The following AP1M1 variants were observed in gnomAD, a reference collection of about 807,000 sequenced individuals.
AP1M1 encodes AP-1 complex subunit mu-1.
Under a neutral mutation model 57.1 loss-of-function variants are expected in AP1M1, and 18 were observed. The ratio of observed to expected loss-of-function variants is 0.32; its 90% confidence interval spans 0.22 to 0.47. The LOEUF (loss-of-function observed/expected upper bound fraction) is 0.47, where lower values mean the gene tolerates loss of function less well. Among genes scored for constraint, AP1M1 ranks in the 20% least tolerant of loss-of-function variants. The pLI is 1.00. For synonymous variants in AP1M1, 241 were observed against 237.9 expected (o/e 1.01, Z -0.12); for missense variants, 362 against 593.5 (o/e 0.61, Z 4.05).
intron 9 of AP1M1, among the ~76,000 whole-genome samples, chr19:16,230,885 A>C (rs2091592917): frequency 6.6e-6 from 1 of 152,210 alleles, no homozygotes; most frequent in Non-Finnish European, 1.5e-5. Context: ...CCTAAAAACC[A>C]AAAGCAAAAT....
At chr19:16,200,130 C>T (rs1327079191) in intron 1 of AP1M1, among the ~76,000 whole-genome samples, 1 of 152,178 alleles carries the variant, frequency 6.6e-6, no homozygotes, top group Non-Finnish European at 1.5e-5. Context: ...TCCCAGGCCT[C>T]TCGGTCTAGC....
intron 5 of AP1M1, among the ~76,000 whole-genome samples, chr19:16,211,719 C>T (rs1025263606): frequency 4.1e-4 from 63 of 151,858 alleles, no homozygotes; most frequent in Admixed American, 1.1e-3. Context: ...CACCGCACTC[C>T]AGCCTGGGCG....
chr19:16,208,093 G>A lies in AP1M1; in HGVS notation c.342G>A (p.Leu114=). 1.9e-6 allele frequency: 3 copies of A among 1,613,948 alleles called. No individual in the cohort carries two copies. The highest frequency in any genetic ancestry group is 2.5e-6 in the Non-Finnish European group (3 of 1,179,922). ...RDNFVIIYEL[L]DELMDFGYPQ... ...ACTTTGTTATCATCTACGAGCTGCT[G>A]GACGAGCTCATGGACTTCGGCTACC... Residue 114 remains leucine (L), a synonymous_variant, in exon 4 of 12, where the codon CTG becomes CTA. Coordinates refer to ENST00000291439, the MANE Select transcript of AP1M1 (RefSeq NM_032493.4).
chr19:16,203,761 C>T lies in AP1M1; in HGVS notation c.199+146C>T, dbSNP rs2091458724. On this transcript the variant is annotated intron_variant, in intron 2 of 11. Transcript: ENST00000291439. The surrounding 1 kb of genome is among the most constrained non-coding windows in gnomAD (Gnocchi z 4.6). ...CCCTCCTGGAGCTCCCTGCTGCCTG[C>T]GGAGACAGGCAGACAATGCACGATG... 2 of 800,820 alleles carry T rather than the reference C, an allele frequency of 2.5e-6. No homozygotes were observed. Among genetic ancestry groups the T allele is most frequent in the South Asian group, 1.8e-5 (1 of 55,214 alleles). The allele number at this position is 800,820 out of a possible 1,614,324, so 49.6% of individuals were successfully genotyped here. A position where few individuals can be genotyped will look rare whatever the true frequency, so the allele number is the denominator to read the frequency against.
chr19:16,224,990 CA>C (rs1344173176), intron 5 of AP1M1, among the ~76,000 whole-genome samples: 1 of 152,090 alleles, frequency 6.6e-6, no homozygotes, highest in Non-Finnish European at 1.5e-5. Context: ...GACAAGCAGG[CA>C]GACGCAGGGA....
intron 5 of AP1M1, among the ~76,000 whole-genome samples, chr19:16,220,697 A>T (rs1239405241): frequency 6.6e-6 from 1 of 152,146 alleles, no homozygotes; most frequent in Non-Finnish European, 1.5e-5. Context: ...AGCCCTAAAA[A>T]GGTTTTTTTA....
chr19:16,210,892 G>A (rs1486291485), intron 5 of AP1M1, among the ~76,000 whole-genome samples: 1 of 152,160 alleles, frequency 6.6e-6, no homozygotes, highest in Non-Finnish European at 1.5e-5. Flanking sequence ...ATAATGTTGA[G>A]CATTGCTTTA....
chr19:16,214,289 C>A (rs2091508328), intron 5 of AP1M1, among the ~76,000 whole-genome samples: 1 of 151,336 alleles, frequency 6.6e-6, no homozygotes, highest in Admixed American at 6.6e-5. Context: ...CCTGACCTGA[C>A]CTCGTGATCC....
chr19:16,238,540 T>C lies in AP1M1; in HGVS notation c.*4105T>C, dbSNP rs187301730. On this transcript the variant is annotated 3_prime_UTR_variant, in exon 12 of 12. Transcript: ENST00000291439. Reference sequence around the variant, plus strand: ...ATACGGAAATAATATTTTGCGTGCTTAGGGATCTATATATATCCAGCAAAA... The same window carrying C: ...ATACGGAAATAATATTTTGCGTGCTCAGGGATCTATATATATCCAGCAAAA... 2.0e-5 allele frequency: 3 copies of C among 152,224 alleles called. No individual in the cohort carries two copies. In the East Asian group the frequency reaches 5.8e-4, roughly 29 times the overall value. 9.4% of individuals were successfully genotyped at this position (152,224 alleles called of 1,614,324 possible).
In AP1M1 at chr19:16,238,539, T is replaced by G. The variant is rs2145148903; in HGVS notation, c.*4104T>G. ...AATACGGAAATAATATTTTGCGTGCTTAGGGATCTATATATATCCAGCAAA... is the reference window on the plus strand; with the variant it reads ...AATACGGAAATAATATTTTGCGTGCGTAGGGATCTATATATATCCAGCAAA... On this transcript the variant is annotated 3_prime_UTR_variant, in exon 12 of 12. Coordinates refer to ENST00000291439, the MANE Select transcript of AP1M1 (RefSeq NM_032493.4). 1 of 152,234 alleles carries G rather than the reference T, an allele frequency of 6.6e-6. No homozygotes were observed. The highest frequency in any genetic ancestry group is 2.1e-4 in the South Asian group (1 of 4,826). 9.4% of individuals were successfully genotyped at this position (152,234 alleles called of 1,614,324 possible). A position where few individuals can be genotyped will look rare whatever the true frequency, so the allele number is the denominator to read the frequency against.
chr19:16,208,855 G>A (rs2091481043), intron 4 of AP1M1, 175 bp from the exon 5 acceptor site: 4 of 669,170 alleles, frequency 6.0e-6, no homozygotes, highest in African/African-American at 3.6e-5. Context: ...GTATGAAGCA[G>A]CCCCAGGTGA....
Position 16,236,820 on chromosome 19 carries a change from A to G in AP1M1, c.*2385A>G, listed in dbSNP as rs1319790547. ...TACCTAAGATCCTCGCACACAATAG[A>G]CCCTCAACATGAGGGCACATCCTGA... On this transcript the variant is annotated 3_prime_UTR_variant, in exon 12 of 12. Transcript: ENST00000291439. The G allele has an allele frequency of 6.6e-6, 1 of 152,168 alleles. No individual in the cohort carries two copies. Among genetic ancestry groups the G allele is most frequent in the African/African-American group, 2.4e-5 (1 of 41,452 alleles). 9.4% of individuals were successfully genotyped at this position (152,168 alleles called of 1,614,324 possible). A position where few individuals can be genotyped will look rare whatever the true frequency, so the allele number is the denominator to read the frequency against.
intron 5 of AP1M1, among the ~76,000 whole-genome samples, chr19:16,224,722 G>A (rs1159065577): frequency 6.6e-6 from 1 of 152,206 alleles, no homozygotes; most frequent in African/African-American, 2.4e-5. Context: ...TGGCTGCCAG[G>A]GCCAGTCCCA....
At chr19:16,222,193 A>T (rs1430023020) in intron 5 of AP1M1, among the ~76,000 whole-genome samples, 1 of 117,336 alleles carries the variant, frequency 8.5e-6, no homozygotes, top group African/African-American at 3.2e-5. Flanking sequence ...TATTATTATT[A>T]TTACTATTAT....
At chr19:16,205,766 A>G (rs1319831598) in intron 2 of AP1M1, among the ~76,000 whole-genome samples, 1 of 152,216 alleles carries the variant, frequency 6.6e-6, no homozygotes, top group Admixed American at 6.5e-5. Flanking sequence ...TGTGCCAGAC[A>G]TCTCACCTAC....
chr19:16,221,917 C>T (rs576232660), intron 5 of AP1M1, among the ~76,000 whole-genome samples: 1 of 152,248 alleles, frequency 6.6e-6, no homozygotes, highest in East Asian at 1.9e-4. Context: ...AGCTCCCAAC[C>T]TCAGGTGATC....
intron 5 of AP1M1, among the ~76,000 whole-genome samples, chr19:16,219,243 T>G (rs1309057951): frequency 6.6e-6 from 1 of 152,190 alleles, no homozygotes; most frequent in Non-Finnish European, 1.5e-5. Flanking sequence ...TTGGTCATAG[T>G]GTATTATAGG....
intron 9 of AP1M1, among the ~76,000 whole-genome samples, chr19:16,231,208 A>G (rs1453897663): frequency 2.7e-5 from 4 of 150,404 alleles, no homozygotes; most frequent in African/African-American, 4.9e-5. Flanking sequence ...GAATGGTGTG[A>G]ACTCGGGAGG....
Position 16,227,062 on chromosome 19 carries a change from C to T in AP1M1, c.674-486C>T, listed in dbSNP as rs2091574422. On this transcript the variant is annotated intron_variant, in intron 6 of 11. Coordinates refer to ENST00000291439, the MANE Select transcript of AP1M1 (RefSeq NM_032493.4). This position sits in a 1 kb window ranked among gnomAD's most constrained non-coding sequence, Gnocchi z 6.2. The stretch of plus-strand genomic sequence containing the variant: ...GAAGAGGGTGCAGTGGCTGGGCATG[C>T]CCCCGTTCCTAGCCCGGTGAGGGCT... Among the ~76,000 whole-genome samples, 1 of 152,174 alleles carries T rather than the reference C, an allele frequency of 6.6e-6. No homozygotes were observed. Among genetic ancestry groups the T allele is most frequent in the South Asian group, 2.1e-4 (1 of 4,838 alleles).
Sources: allele counts gnomAD v4.1 joint callset (sites outside exome capture counted in the v4.1 genomes callset), GRCh38; gene constraint gnomAD v4.1.1; non-coding constraint Gnocchi (gnomAD v3.1); transcripts MANE v1.5; gene names NCBI Gene and HGNC (gene_info 2026-07-23, HGNC 2026-07-21).